Variants in ZNF469 observed in about 807,000 individuals in gnomAD.
ZNF469 encodes zinc finger protein 469.
In ZNF469, 1 loss-of-function variant was observed where a neutral mutation model predicts 1.0. The observed-to-expected ratio is 1.00, with a 90% confidence interval of 0.35 to 4.73. The LOEUF (loss-of-function observed/expected upper bound fraction) is 4.73, where lower values mean the gene tolerates loss of function less well. ZNF469 is among the 30% of genes most tolerant of loss of function. The probability of loss-of-function intolerance (pLI) is 0.16; values close to 1 mark genes in which losing one functional copy is unlikely to be tolerated. For synonymous variants in ZNF469, 2,703 were observed against 2,363.4 expected (o/e 1.14, Z -4.17); for missense variants, 6,100 against 5,356.3 (o/e 1.14, Z -4.33).
chr16:88,168,419 C>T, the ZNF469 span, among the ~76,000 whole-genome samples: 2 of 152,212 alleles, frequency 1.3e-5, no homozygotes, highest in African/African-American at 4.8e-5. This position sits in a 1 kb window ranked among gnomAD's most constrained non-coding sequence, Gnocchi z 4.3. Flanking sequence ...CTGTCACCTG[C>T]CCGCTGTGGG....
the ZNF469 span, among the ~76,000 whole-genome samples, chr16:88,253,455 G>A: frequency 2.0e-5 from 3 of 151,184 alleles, no homozygotes; most frequent in South Asian, 6.3e-4. Flanking sequence ...TGATGATGTG[G>A]ACCCCCTTTT....
chr16:88,437,827 G>T lies in ZNF469; in HGVS notation c.10357G>T (p.Val3453Leu), dbSNP rs954785318. The change falls in exon 3 of 3, where the codon GTG becomes TTG. Residue 3453 changes from valine to leucine, a missense_variant. Transcript: ENST00000565624. The part of the protein sequence containing the change: ...GGRQPFAFRG[V>L]RRPGAPGQKA... ...GCGGCAGCCCTTCGCGTTCCGCGGC[G>T]TGCGGAGGCCGGGAGCGCCGGGACA... is the stretch of plus-strand genomic sequence containing the variant. 6.5e-7 allele frequency: 1 copy of T among 1,542,046 alleles called. No homozygotes were observed. Among genetic ancestry groups the T allele is most frequent in the Admixed American group, 2.0e-5 (1 of 50,726 alleles).
the ZNF469 span, among the ~76,000 whole-genome samples, chr16:88,333,031 C>T: frequency 2.0e-5 from 3 of 152,204 alleles, no homozygotes; most frequent in Admixed American, 6.5e-5. Context: ...GGACACACCC[C>T]GTGGGTCCTT....
chr16:88,157,908 G>A, the ZNF469 span, among the ~76,000 whole-genome samples: 1 of 152,170 alleles, frequency 6.6e-6, no homozygotes, highest in East Asian at 1.9e-4. Context: ...ATCCTGTGTT[G>A]GGGTTCACGG....
At chr16:88,262,150 C>T in the ZNF469 span, among the ~76,000 whole-genome samples, 1 of 152,152 alleles carries the variant, frequency 6.6e-6, no homozygotes, top group Non-Finnish European at 1.5e-5. This position sits in a 1 kb window ranked among gnomAD's most constrained non-coding sequence, Gnocchi z 4.3. Context: ...CTCCACTCAG[C>T]ATTAGTGAAG....
At chr16:88,426,121 G>A (rs529814115) in intron 2 of ZNF469, among the ~76,000 whole-genome samples, 1 of 152,230 alleles carries the variant, frequency 6.6e-6, no homozygotes, top group African/African-American at 2.4e-5. Context: ...CGGTGGGAGG[G>A]TCCTGTGACC....
chr16:88,102,851 T>C, the ZNF469 span, among the ~76,000 whole-genome samples: 1 of 152,250 alleles, frequency 6.6e-6, no homozygotes, highest in Non-Finnish European at 1.5e-5. Context: ...CCTGGCCCCT[T>C]GGCCTCGTGT....
At chr16:88,257,189 C>A in the ZNF469 span, among the ~76,000 whole-genome samples, 8 of 150,582 alleles carry the variant, frequency 5.3e-5, no homozygotes, top group Non-Finnish European at 1.0e-4. Context: ...GTCTCCAACT[C>A]CTGACCTCAG....
rs1314196129 is a variant in ZNF469 at position 88,383,034 on chromosome 16, C to T, written c.-412C>T. Among the ~76,000 whole-genome samples, 1 of 151,800 alleles carries T rather than the reference C, an allele frequency of 6.6e-6. No individual in the cohort carries two copies. The highest frequency in any genetic ancestry group is 2.4e-5 in the African/African-American group (1 of 41,406). On this transcript the variant is annotated 5_prime_UTR_variant, in exon 1 of 3. Coordinates refer to ENST00000565624, the MANE Select transcript of ZNF469 (RefSeq NM_001367624.2). ...GGCTGGAGCTGGCTGCAGGGCTGGCCCGCGGCGACCTGGGCAGGGTGGCGG... is the reference window on the plus strand; with the variant it reads ...GGCTGGAGCTGGCTGCAGGGCTGGCTCGCGGCGACCTGGGCAGGGTGGCGG...
At chr16:88,113,599 T>C in the ZNF469 span, among the ~76,000 whole-genome samples, 2 of 152,182 alleles carry the variant, frequency 1.3e-5, no homozygotes, top group Non-Finnish European at 2.9e-5. Flanking sequence ...CCATGCTTTT[T>C]GGGTCTCAGT....
Position 88,395,163 on chromosome 16 carries a change from A to T in ZNF469, c.-192+11909A>T, listed in dbSNP as rs534556983. Among the ~76,000 whole-genome samples the T allele has an allele frequency of 2.0e-5, 3 of 152,322 alleles. No individual in the cohort carries two copies. The South Asian group carries it at 6.2e-4, about 32-fold the overall frequency. On this transcript the variant is annotated intron_variant, in intron 1 of 2. Transcript: ENST00000565624. ...CCAGGAGGAACTTTCTCTTATGGCCATGGACAGCCAGCCAGGGAGCTCTGT... is the reference window on the plus strand; with the variant it reads ...CCAGGAGGAACTTTCTCTTATGGCCTTGGACAGCCAGCCAGGGAGCTCTGT...
At chr16:88,102,291 T>C in the ZNF469 span, among the ~76,000 whole-genome samples, 1 of 151,808 alleles carries the variant, frequency 6.6e-6, no homozygotes, top group East Asian at 1.9e-4. Context: ...CCAAGGCGGG[T>C]GGATCACCTG....
the ZNF469 span, among the ~76,000 whole-genome samples, chr16:88,111,333 A>G: frequency 2.6e-5 from 4 of 152,204 alleles, no homozygotes; most frequent in African/African-American, 4.8e-5. Context: ...TGCAAGGTGT[A>G]ACAATCACAT....
At chr16:88,246,298 G>A in the ZNF469 span, among the ~76,000 whole-genome samples, 1 of 152,250 alleles carries the variant, frequency 6.6e-6, no homozygotes, top group Non-Finnish European at 1.5e-5. Flanking sequence ...TGCACCTGAT[G>A]TGTCAGGTAC....
In ZNF469 at chr16:88,437,800, G is replaced by A. The variant is rs569602115; in HGVS notation, c.10330G>A (p.Gly3444Arg). Residue 3444 changes from glycine (G) to arginine (R), a missense_variant, in exon 3 of 3, where the codon GGG (glycine) becomes AGG (arginine). Physicochemically the swap from Gly to Arg is moderately radical, Grantham distance 125 (BLOSUM62 -2). Transcript: ENST00000565624. ...DRHMNKHLRG[G>R]RQPFAFRGVR... is the part of the protein sequence containing the mutation. ...CCACATGAACAAGCACCTCAGGGGG[G>A]GGCGGCAGCCCTTCGCGTTCCGCGG... 7 of 1,545,660 alleles carry A rather than the reference G, an allele frequency of 4.5e-6. No individual in the cohort carries two copies. The highest frequency in any genetic ancestry group is 1.2e-5 in the South Asian group (1 of 83,964).
In ZNF469 at chr16:88,438,831, G is replaced by C. The variant is rs1906793756; in HGVS notation, c.11361G>C (p.Lys3787Asn). ...GGCTCCCCGCTCGAGCCCAAGCCAAGAGCTGCACCAAGGGGCCAAGGGAAG... is the reference window on the plus strand; with the variant it reads ...GGCTCCCCGCTCGAGCCCAAGCCAACAGCTGCACCAAGGGGCCAAGGGAAG... The part of the protein sequence containing the change: ...PERLPARAQA[K>N]SCTKGPREAG... The change falls in exon 3 of 3, where the codon AAG (lysine) becomes AAC (asparagine). Residue 3787 changes from lysine to asparagine, a missense_variant. Physicochemically the swap from Lys to Asn is moderately conservative, Grantham distance 94 (BLOSUM62 0). Coordinates refer to ENST00000565624, the MANE Select transcript of ZNF469 (RefSeq NM_001367624.2). 1.9e-6 allele frequency: 3 copies of C among 1,550,354 alleles called. No homozygotes were observed. Among genetic ancestry groups the C allele is most frequent in the Non-Finnish European group, 2.6e-6 (3 of 1,146,966 alleles).
chr16:88,260,418 T>G, the ZNF469 span, among the ~76,000 whole-genome samples: 1 of 152,224 alleles, frequency 6.6e-6, no homozygotes, highest in Non-Finnish European at 1.5e-5. This position sits in a 1 kb window ranked among gnomAD's most constrained non-coding sequence, Gnocchi z 4.1. Flanking sequence ...CTGGCCACGG[T>G]TGCATCTCCG....
At chr16:88,274,931 G>A in the ZNF469 span, among the ~76,000 whole-genome samples, 1 of 152,226 alleles carries the variant, frequency 6.6e-6, no homozygotes, top group Non-Finnish European at 1.5e-5. Context: ...TTTACAAACA[G>A]CGTATACACG....
Position 88,437,182 on chromosome 16 carries a change from C to T in ZNF469, c.9712C>T (p.His3238Tyr), listed in dbSNP as rs1378185731. 2.6e-6 allele frequency: 4 copies of T among 1,549,560 alleles called. No individual in the cohort carries two copies. The South Asian group carries it at 3.6e-5, about 14-fold the overall frequency. Residue 3238 changes from histidine (H) to tyrosine (Y), a missense_variant, in exon 3 of 3, where the codon CAC becomes TAC. His to Tyr is a moderately conservative substitution (Grantham distance 83, BLOSUM62 2). Coordinates refer to ENST00000565624, the MANE Select transcript of ZNF469 (RefSeq NM_001367624.2). ...LNSITEPAPK[H>Y]HRGKRSAGKA... ...CAGCATCACGGAACCCGCGCCCAAA[C>T]ACCACAGGGGCAAGCGCTCCGCCGG...
Sources: allele counts gnomAD v4.1 joint callset (sites outside exome capture counted in the v4.1 genomes callset), GRCh38; gene constraint gnomAD v4.1.1; non-coding constraint Gnocchi (gnomAD v3.1); transcripts MANE v1.5; gene names NCBI Gene and HGNC (gene_info 2026-07-23, HGNC 2026-07-21).